Variants in ZNF142 observed in about 807,000 individuals in gnomAD.
ZNF142 encodes the protein zinc finger protein 142 (clone pHZ-49).
A neutral mutation model predicts 132.1 loss-of-function variants in ZNF142; 96 were observed. That is an observed-to-expected ratio of 0.73 (90% CI 0.62 to 0.86). ZNF142 has a LOEUF of 0.86. Ranked by LOEUF, ZNF142 falls within the 40% of genes least tolerant of loss-of-function variation. The probability of loss-of-function intolerance (pLI) is 0.00; values close to 1 mark genes in which losing one functional copy is unlikely to be tolerated. For missense variants in ZNF142, 2,163 were observed against 2,336.2 expected, an observed-to-expected ratio of 0.93 and a Z score of 1.53; for synonymous variants, 842 against 890.1, an observed-to-expected ratio of 0.95 and a Z score of 0.96.
At position 218,634,602 on chromosome 2, in the gene ZNF142, C is replaced by T. The variant is rs1310063593; in HGVS notation, c.*3737G>A. 1 of 1,614,018 alleles carries T rather than the reference C, an allele frequency of 6.2e-7. No homozygotes were observed. The highest frequency in any genetic ancestry group is 1.3e-5 in the African/African-American group (1 of 75,052). On this transcript the variant is annotated 3_prime_UTR_variant, in exon 11 of 11. Coordinates refer to ENST00000411696, the MANE Select transcript of ZNF142 (RefSeq NM_001379659.1). The surrounding 1 kb of genome is among the most constrained non-coding windows in gnomAD (Gnocchi z 4.0). ...TTCCACCCTGAGAAGCCCATCAGCC[C>T]TTTCAAAGCCCAGACTCTCTTAATC...
In ZNF142 at chr2:218,642,093, T is replaced by G. The variant is rs770322223; in HGVS notation, c.5023A>C (p.Thr1675Pro). Reference sequence around the variant, plus strand: ...TGACAGTGGTAAGGCTTTTCCCCAGTGTGGATGCGGCTGTGCCAGGTGATC... The same window carrying G: ...TGACAGTGGTAAGGCTTTTCCCCAGGGTGGATGCGGCTGTGCCAGGTGATC... ...QKITWHSRIH[T>P]GEKPYHCHLC... Residue 1675 changes from threonine to proline, a missense_variant, in exon 9 of 11, where the codon ACT becomes CCT. Physicochemically the swap from Thr to Pro is conservative, Grantham distance 38. Transcript: ENST00000411696. This position sits in a 1 kb window ranked among gnomAD's most constrained non-coding sequence, Gnocchi z 4.6. 2 of 1,614,178 alleles carry G rather than the reference T, an allele frequency of 1.2e-6. No homozygotes were observed. Among genetic ancestry groups the G allele is most frequent in the South Asian group, 2.2e-5 (2 of 91,092 alleles).
rs959320298 is a variant in ZNF142, at chr2:218,642,059, G to C, written c.5057C>G (p.Pro1686Arg). 6.2e-6 allele frequency: 10 copies of C among 1,614,148 alleles called. No individual in the cohort carries two copies. Among genetic ancestry groups the C allele is most frequent in the Non-Finnish European group, 7.6e-6 (9 of 1,180,018 alleles). Residue 1686 changes from proline (P) to arginine (R), a missense_variant, in exon 9 of 11, where the codon CCC becomes CGC. By Grantham distance (103) the Pro-to-Arg change is moderately radical. This residue lies in a region of ZNF142 where 325 missense variants were observed against 367.8 expected (regional missense o/e 0.88). Coordinates refer to ENST00000411696, the MANE Select transcript of ZNF142 (RefSeq NM_001379659.1). The surrounding 1 kb of genome is among the most constrained non-coding windows in gnomAD (Gnocchi z 4.6). ...GEKPYHCHLCPYACADPSRLK... is the reference protein window; with the variant it reads ...GEKPYHCHLCRYACADPSRLK... ...ACGAGAGGGATCAGCACAGGCATAG[G>C]GGCAGAGGTGACAGTGGTAAGGCTT...
Position 218,635,686 on chromosome 2 carries a change from T to C in ZNF142, c.*2653A>G, listed in dbSNP as rs1449972809. The stretch of plus-strand genomic sequence containing the variant: ...ATACTAGAAGAAAATATATTACCCA[T>C]GGAGGATGTTTTACAAACCAAAAAG... On this transcript the variant is annotated 3_prime_UTR_variant, in exon 11 of 11. Coordinates refer to ENST00000411696, the MANE Select transcript of ZNF142 (RefSeq NM_001379659.1). 3.3e-5 allele frequency: 46 copies of C among 1,382,118 alleles called. No homozygotes were observed. The highest frequency in any genetic ancestry group is 4.1e-5 in the Non-Finnish European group (42 of 1,030,368). The allele number at this position is 1,382,118 out of a possible 1,614,324, so 85.6% of individuals were successfully genotyped here. A position where few individuals can be genotyped will look rare whatever the true frequency, so the allele number is the denominator to read the frequency against.
intron 3 of ZNF142, among the ~76,000 whole-genome samples, chr2:218,657,626 C>T (rs1476832528): frequency 6.6e-6 from 1 of 152,132 alleles, no homozygotes; most frequent in Admixed American, 6.5e-5. Context: ...GATGGGGTTT[C>T]TCCATGTTGG....
chr2:218,646,640 G>A (rs1334747966), intron 7 of ZNF142, among the ~76,000 whole-genome samples: 3 of 152,026 alleles, frequency 2.0e-5, no homozygotes, highest in Non-Finnish European at 1.5e-5. Flanking sequence ...CTGGAGTGCA[G>A]TGACGCTACC....
Position 218,644,268 on chromosome 2 carries a change from A to C in ZNF142, c.2848T>G (p.Leu950Val), listed in dbSNP as rs1265881068. The C allele has an allele frequency of 1.9e-6, 3 of 1,613,968 alleles. No individual in the cohort carries two copies. In the African/African-American group the frequency reaches 4.0e-5, roughly 22 times the overall value. The change falls in exon 9 of 11, where the codon TTG (leucine) becomes GTG (valine). Residue 950 changes from leucine to valine, a missense_variant. This residue lies in a region of ZNF142 where 749 missense variants were observed against 830.3 expected (regional missense o/e 0.90). Coordinates refer to ENST00000411696, the MANE Select transcript of ZNF142 (RefSeq NM_001379659.1). This position sits in a 1 kb window ranked among gnomAD's most constrained non-coding sequence, Gnocchi z 4.6. ...SSFEGIGTSDLSAEENPLLEK... is the reference protein window; with the variant it reads ...SSFEGIGTSDVSAEENPLLEK... ...AGAAGGGGATTTTCTTCAGCACTCAAGTCAGAAGTCCCAATACCTTCAAAG... is the reference window on the plus strand; with the variant it reads ...AGAAGGGGATTTTCTTCAGCACTCACGTCAGAAGTCCCAATACCTTCAAAG...
intron 3 of ZNF142, 149 bp from the exon 4 acceptor site, chr2:218,656,612 C>T: frequency 2.3e-6 from 1 of 433,918 alleles, no homozygotes; most frequent in East Asian, 3.5e-5. Context: ...TAAATAGAGG[C>T]TTTCTTTTAT....
intron 6 of ZNF142, among the ~76,000 whole-genome samples, 165 bp from the exon 7 acceptor site, chr2:218,649,624 C>T (rs1386783574): frequency 6.6e-6 from 1 of 152,190 alleles, no homozygotes; most frequent in Non-Finnish European, 1.5e-5. Flanking sequence ...GTGAGAAACT[C>T]AAGTTTTAAG....
rs1187215221 is a variant in ZNF142 at position 218,638,752 on chromosome 2, G to A, written c.5251C>T (p.Leu1751=). Residue 1751 remains leucine, a synonymous_variant, in exon 11 of 11, where the codon CTG becomes TTG. Transcript: ENST00000411696. ...CEYCTNRADA[L]RVHQETRHRE... ...TGCCGGGTCTCCTGGTGCACACGCAGTGCATCAGCCCGGTTGGTGCAGTAC... is the reference window on the plus strand; with the variant it reads ...TGCCGGGTCTCCTGGTGCACACGCAATGCATCAGCCCGGTTGGTGCAGTAC... 1.9e-6 allele frequency: 3 copies of A among 1,611,682 alleles called. No homozygotes were observed. Among genetic ancestry groups the A allele is most frequent in the Non-Finnish European group, 2.5e-6 (3 of 1,179,992 alleles).
rs778104083 is a variant in ZNF142, at chr2:218,649,373, C to A, written c.1135G>T (p.Val379Leu). The change falls in exon 7 of 11, where the codon GTG (valine) becomes TTG (leucine). Residue 379 changes from valine (V) to leucine (L), a missense_variant. This residue lies in a region of ZNF142 where 749 missense variants were observed against 830.3 expected (regional missense o/e 0.90). Coordinates refer to ENST00000411696, the MANE Select transcript of ZNF142 (RefSeq NM_001379659.1). ...KRCFKKRTHLVEHLHLHFPDP... is the reference protein window; with the variant it reads ...KRCFKKRTHLLEHLHLHFPDP... ...GGGAAGTGGAGATGCAGGTGCTCCA[C>A]CAGATGAGTCCGCTTCTTAAAGCAG... The A allele has an allele frequency of 8.7e-6, 14 of 1,614,078 alleles. No individual in the cohort carries two copies. Among genetic ancestry groups the A allele is most frequent in the Non-Finnish European group, 1.1e-5 (13 of 1,179,986 alleles).
At chr2:218,646,948 T>C (rs1211838263) in intron 7 of ZNF142, among the ~76,000 whole-genome samples, 1 of 152,178 alleles carries the variant, frequency 6.6e-6, no homozygotes, top group Non-Finnish European at 1.5e-5. Flanking sequence ...GCTGTCACTA[T>C]GGTCAACTAC....
Position 218,634,161 on chromosome 2 carries a change from C to T in ZNF142, c.*4178G>A, listed in dbSNP as rs1379459912. 2 of 1,612,874 alleles carry T rather than the reference C, an allele frequency of 1.2e-6. No individual in the cohort carries two copies. The highest frequency in any genetic ancestry group is 1.1e-5 in the South Asian group (1 of 90,746). On this transcript the variant is annotated 3_prime_UTR_variant, in exon 11 of 11. Coordinates refer to ENST00000411696, the MANE Select transcript of ZNF142 (RefSeq NM_001379659.1). The surrounding 1 kb of genome is among the most constrained non-coding windows in gnomAD (Gnocchi z 4.0). Reference sequence around the variant, plus strand: ...GTTAAGCCGTGTGTATCCCAGCGGCCTGAGGACAGACTCTTCCAACTACAA... The same window carrying T: ...GTTAAGCCGTGTGTATCCCAGCGGCTTGAGGACAGACTCTTCCAACTACAA...
Position 218,642,013 on chromosome 2 carries a change from A to G in ZNF142, c.5088+15T>C, listed in dbSNP as rs1323366556. 29 of 1,608,246 alleles carry G rather than the reference A, an allele frequency of 1.8e-5. No individual in the cohort carries two copies. Among genetic ancestry groups the G allele is most frequent in the Non-Finnish European group, 2.4e-5 (28 of 1,175,916 alleles). On this transcript the variant is annotated intron_variant, in intron 9 of 10. Transcript: ENST00000411696. The surrounding 1 kb of genome is among the most constrained non-coding windows in gnomAD (Gnocchi z 4.6). ...GTGCTCCTTCCACTTCCTGCCCCATATCCTCTGACATTACCTTGAGACGAG... is the reference window on the plus strand; with the variant it reads ...GTGCTCCTTCCACTTCCTGCCCCATGTCCTCTGACATTACCTTGAGACGAG...
Position 218,644,767 on chromosome 2 carries a change from G to T in ZNF142, c.2349C>A (p.Phe783Leu). Residue 783 changes from phenylalanine (F) to leucine (L), a missense_variant, in exon 9 of 11, where the codon TTC becomes TTA. Physicochemically the swap from Phe to Leu is conservative, Grantham distance 22 (BLOSUM62 0). Coordinates refer to ENST00000411696, the MANE Select transcript of ZNF142 (RefSeq NM_001379659.1). This position sits in a 1 kb window ranked among gnomAD's most constrained non-coding sequence, Gnocchi z 4.6. ...TATGGAACAAGAGTGTGGTGTTGCT[G>T]AAGGTGCGGTAGTCACAGAGGGCAC... ...FHCALCDYRT[F>L]SNTTLLFHKR... 1 of 1,614,252 alleles carries T rather than the reference G, an allele frequency of 6.2e-7. No homozygotes were observed. Among genetic ancestry groups the T allele is most frequent in the Non-Finnish European group, 8.5e-7 (1 of 1,180,044 alleles).
chr2:218,640,199 A>G (rs1487942375), intron 10 of ZNF142, among the ~76,000 whole-genome samples: 2 of 152,146 alleles, frequency 1.3e-5, no homozygotes, highest in Non-Finnish European at 2.9e-5. Context: ...CAGATGCAAT[A>G]AGCACAGGCA....
In ZNF142 at chr2:218,644,414, C is replaced by A; in HGVS notation, c.2702G>T (p.Gly901Val). 6.2e-7 allele frequency: 1 copy of A among 1,614,112 alleles called. No individual in the cohort carries two copies. Among genetic ancestry groups the A allele is most frequent in the Non-Finnish European group, 8.5e-7 (1 of 1,180,010 alleles). Residue 901 changes from glycine (G) to valine (V), a missense_variant, in exon 9 of 11, where the codon GGA becomes GTA. Gly to Val is a moderately radical substitution (Grantham distance 109). Around this residue, in one of 7 missense-constraint regions of ZNF142, gnomAD observed 749 missense variants for 830.3 expected, o/e 0.90. Transcript: ENST00000411696. The surrounding 1 kb of genome is among the most constrained non-coding windows in gnomAD (Gnocchi z 4.6). Reference protein sequence around the residue: ...GSCTLHLEALGVELESVTEPP... With the variant: ...GSCTLHLEALVVELESVTEPP... ...CTCAGTCACAGACTCCAGCTCTACTCCCAGGGCCTCTAGGTGTAGTGTGCA... is the reference window on the plus strand; with the variant it reads ...CTCAGTCACAGACTCCAGCTCTACTACCAGGGCCTCTAGGTGTAGTGTGCA...
At position 218,642,080 on chromosome 2, in the gene ZNF142, G is replaced by C; in HGVS notation, c.5036C>G (p.Pro1679Arg). The C allele has an allele frequency of 6.2e-7, 1 of 1,614,222 alleles. No individual in the cohort carries two copies. The highest frequency in any genetic ancestry group is 8.5e-7 in the Non-Finnish European group (1 of 1,180,040). Reference protein sequence around the residue: ...WHSRIHTGEKPYHCHLCPYAC... With the variant: ...WHSRIHTGEKRYHCHLCPYAC... ...ATAGGGGCAGAGGTGACAGTGGTAA[G>C]GCTTTTCCCCAGTGTGGATGCGGCT... Residue 1679 changes from proline (P) to arginine (R), a missense_variant, in exon 9 of 11, where the codon CCT becomes CGT. Around this residue, in one of 7 missense-constraint regions of ZNF142, gnomAD observed 325 missense variants for 367.8 expected, o/e 0.88. Transcript: ENST00000411696. The surrounding 1 kb of genome is among the most constrained non-coding windows in gnomAD (Gnocchi z 4.6).
chr2:218,634,560 G>T lies in ZNF142; in HGVS notation c.*3779C>A. On this transcript the variant is annotated 3_prime_UTR_variant, in exon 11 of 11. Transcript: ENST00000411696. The surrounding 1 kb of genome is among the most constrained non-coding windows in gnomAD (Gnocchi z 4.0). ...TATGTGCTGAAGCCAGACTTCCTGC[G>T]TGATATCCAGAGTTCTTTCCACCCT... 1 of 1,614,018 alleles carries T rather than the reference G, an allele frequency of 6.2e-7. No individual in the cohort carries two copies. The highest frequency in any genetic ancestry group is 1.1e-5 in the South Asian group (1 of 91,078).
In ZNF142 at chr2:218,659,494, C is replaced by T. The variant is rs555711517; in HGVS notation, c.-487G>A. On this transcript the variant is annotated 5_prime_UTR_variant, in exon 1 of 11. Coordinates refer to ENST00000411696, the MANE Select transcript of ZNF142 (RefSeq NM_001379659.1). The surrounding 1 kb of genome is among the most constrained non-coding windows in gnomAD (Gnocchi z 4.4). ...TCTAGGATATTGGGGATGTGGAAGCCACTCTCTCTTCCTCTTGCCGGCTGC... is the reference window on the plus strand; with the variant it reads ...TCTAGGATATTGGGGATGTGGAAGCTACTCTCTCTTCCTCTTGCCGGCTGC... 1 of 152,192 alleles carries T rather than the reference C, an allele frequency of 6.6e-6. No homozygotes were observed. Among genetic ancestry groups the T allele is most frequent in the East Asian group, 1.9e-4 (1 of 5,184 alleles). 9.4% of individuals were successfully genotyped at this position (152,192 alleles called of 1,614,324 possible). A position where few individuals can be genotyped will look rare whatever the true frequency, so the allele number is the denominator to read the frequency against.
Sources: allele counts gnomAD v4.1 joint callset (sites outside exome capture counted in the v4.1 genomes callset), GRCh38; gene constraint gnomAD v4.1.1; regional missense constraint gnomAD v4.1.1; non-coding constraint Gnocchi (gnomAD v3.1); transcripts MANE v1.5; gene names NCBI Gene and HGNC (gene_info 2026-07-23, HGNC 2026-07-21).